The following LINGO2 variants were observed in gnomAD, a reference collection of about 807,000 sequenced individuals.
The protein encoded by LINGO2 is leucine rich repeat and Ig domain containing 2, also known as leucine-rich repeat and immunoglobulin-like domain-containing nogo receptor-interacting protein 2.
Under a neutral mutation model 30.6 loss-of-function variants are expected in LINGO2, and 14 were observed. That is an observed-to-expected ratio of 0.46 (90% CI 0.30 to 0.72). LINGO2 has a LOEUF of 0.72. Among genes scored for constraint, LINGO2 ranks in the 30% least tolerant of loss-of-function variants. The probability of loss-of-function intolerance (pLI) is 0.07; values close to 1 mark genes in which losing one functional copy is unlikely to be tolerated. For synonymous variants in LINGO2, 317 were observed against 288.5 expected (o/e 1.10, Z -1.00); for missense variants, 729 against 751.7 (o/e 0.97, Z 0.35).
chr9:28,165,972 C>T (rs1168376190), intron 4 of LINGO2, among the ~76,000 whole-genome samples: 1 of 152,174 alleles, frequency 6.6e-6, no homozygotes, highest in Non-Finnish European at 1.5e-5. Context: ...AACACAAAAC[C>T]ACTCAACACA....
chr9:28,517,273 T>A (rs1172209947), intron 1 of LINGO2, among the ~76,000 whole-genome samples: 1 of 152,190 alleles, frequency 6.6e-6, no homozygotes, highest in Non-Finnish European at 1.5e-5. Flanking sequence ...AAGAGCCAGA[T>A]CTTTAATATC....
chr9:29,152,597 C>G, the LINGO2 span, among the ~76,000 whole-genome samples: 3 of 152,036 alleles, frequency 2.0e-5, no homozygotes, highest in South Asian at 2.1e-4. Context: ...GAGGTAAACA[C>G]TGAATACACA....
intron 3 of LINGO2, among the ~76,000 whole-genome samples, chr9:28,359,998 T>C (rs1189649777): frequency 6.6e-6 from 1 of 152,174 alleles, no homozygotes; most frequent in Non-Finnish European, 1.5e-5. Flanking sequence ...GGTTAATTAC[T>C]TAATCTCTTT....
intron 2 of LINGO2, among the ~76,000 whole-genome samples, chr9:28,435,902 C>T (rs1393740177): frequency 6.6e-6 from 1 of 152,080 alleles, no homozygotes. Flanking sequence ...GCACTGGGGA[C>T]GTGAGATTTT....
chr9:29,091,663 A>C, the LINGO2 span, among the ~76,000 whole-genome samples: 1 of 151,992 alleles, frequency 6.6e-6, no homozygotes, highest in Non-Finnish European at 1.5e-5. Context: ...GATAATGTCT[A>C]TCTCGTCCAC....
At chr9:28,623,496 C>G (rs956306524) in intron 1 of LINGO2, among the ~76,000 whole-genome samples, 2 of 151,822 alleles carry the variant, frequency 1.3e-5, no homozygotes, top group African/African-American at 2.4e-5. Flanking sequence ...AATACGAGTT[C>G]ACTTTAGGTG....
At position 28,669,286 on chromosome 9, in the gene LINGO2, A is replaced by G. The variant is rs548385500; in HGVS notation, c.-365+914T>C. Among the ~76,000 whole-genome samples the G allele has an allele frequency of 2.6e-5, 4 of 152,162 alleles. No homozygotes were observed. In the South Asian group the frequency reaches 8.3e-4, roughly 32 times the overall value. ...AGTGGACTTGGCTGAAAGCAAGCATATTCCCTTTTTAGAAAACTTCTTTTT... is the reference window on the plus strand; with the variant it reads ...AGTGGACTTGGCTGAAAGCAAGCATGTTCCCTTTTTAGAAAACTTCTTTTT... On this transcript the variant is annotated intron_variant, in intron 1 of 5. Coordinates refer to ENST00000379992, the Ensembl canonical transcript of LINGO2.
chr9:28,926,485 C>G, the LINGO2 span, among the ~76,000 whole-genome samples: 1 of 151,960 alleles, frequency 6.6e-6, no homozygotes, highest in Non-Finnish European at 1.5e-5. Flanking sequence ...CATATGCTGA[C>G]ATGACAAAGA....
At chr9:28,018,825 C>A (rs895601334) in intron 4 of LINGO2, among the ~76,000 whole-genome samples, 2 of 152,232 alleles carry the variant, frequency 1.3e-5, no homozygotes, top group East Asian at 3.9e-4. Context: ...TTTGACCCAG[C>A]AACCCATTAT....
chr9:28,186,288 T>C (rs939051702), intron 4 of LINGO2, among the ~76,000 whole-genome samples: 2 of 152,156 alleles, frequency 1.3e-5, no homozygotes, highest in Non-Finnish European at 2.9e-5. Flanking sequence ...AGGCGCTGAT[T>C]CTATTCAATG....
intron 2 of LINGO2, among the ~76,000 whole-genome samples, chr9:28,461,312 G>T (rs556687060): frequency 2.6e-5 from 4 of 152,200 alleles, no homozygotes; most frequent in African/African-American, 9.6e-5. Context: ...TATTTTCACA[G>T]TCTCAGTGCT....
At chr9:28,368,741 C>T (rs13283905) in intron 3 of LINGO2, among the ~76,000 whole-genome samples, 57,798 of 151,498 alleles carry the variant, frequency 0.38, 12,530 homozygotes, top group Non-Finnish European at 0.47. Context: ...GGACTACAGG[C>T]GCCCGCCACC....
intron 1 of LINGO2, among the ~76,000 whole-genome samples, chr9:28,578,570 G>T (rs1244997114): frequency 6.6e-6 from 1 of 152,074 alleles, no homozygotes; most frequent in African/African-American, 2.4e-5. Flanking sequence ...GGTAGTTTGT[G>T]TTACCAGGAA....
At chr9:28,332,767 G>A (rs931906814) in intron 3 of LINGO2, among the ~76,000 whole-genome samples, 2 of 152,106 alleles carry the variant, frequency 1.3e-5, no homozygotes, top group African/African-American at 4.8e-5. Flanking sequence ...ACGCATGCCT[G>A]GAGGAATTCA....
At chr9:28,472,408 G>A (rs1825558287) in intron 2 of LINGO2, among the ~76,000 whole-genome samples, 1 of 150,968 alleles carries the variant, frequency 6.6e-6, no homozygotes, top group Admixed American at 6.6e-5. Context: ...ATCAAAATAT[G>A]TTAAGGGAAT....
chr9:28,143,607 G>T (rs145546582), intron 4 of LINGO2, among the ~76,000 whole-genome samples: 1 of 152,024 alleles, frequency 6.6e-6, no homozygotes, highest in Non-Finnish European at 1.5e-5. Context: ...AATATGGACT[G>T]GATAATGACT....
At chr9:28,222,529 T>A (rs4275304) in intron 4 of LINGO2, among the ~76,000 whole-genome samples, 52,049 of 149,968 alleles carry the variant, frequency 0.35, 9,722 homozygotes, top group East Asian at 0.57. Flanking sequence ...AGGCAAAATT[T>A]AAAAAAAAAA....
At chr9:29,100,526 A>G in the LINGO2 span, among the ~76,000 whole-genome samples, 35,664 of 151,558 alleles carry the variant, frequency 0.24, 4,301 homozygotes, top group East Asian at 0.41. Context: ...CCCAGGAGGC[A>G]GAAGTTACAA....
chr9:28,960,552 A>C, the LINGO2 span, among the ~76,000 whole-genome samples: 1 of 147,926 alleles, frequency 6.8e-6, no homozygotes, highest in Non-Finnish European at 1.5e-5. Context: ...TTATAGAAAA[A>C]AGTTACGGAA....
Sources: gnomAD v4.1 joint callset for allele counts (sites outside exome capture counted in the v4.1 genomes callset) on GRCh38, gnomAD v4.1.1 for gene constraint, MANE v1.5 for transcripts, NCBI Gene and HGNC (gene_info 2026-07-23, HGNC 2026-07-21) for gene names.